Variants in ZCCHC7 observed in about 807,000 individuals in gnomAD.
ZCCHC7 encodes the protein zinc finger CCHC domain-containing protein 7.
ZCCHC7 carries 35 observed loss-of-function variants against 52.0 expected under a neutral mutation model. The observed-to-expected ratio is 0.67, with a 90% CI of 0.51 to 0.89. The LOEUF (loss-of-function observed/expected upper bound fraction) is 0.89, where lower values mean the gene tolerates loss of function less well. Ranked by LOEUF, ZCCHC7 falls within the 40% of genes least tolerant of loss-of-function variation. The probability of loss-of-function intolerance (pLI) is 0.00; values close to 1 mark genes in which losing one functional copy is unlikely to be tolerated. For synonymous variants in ZCCHC7, 217 were observed against 221.5 expected, an observed-to-expected ratio of 0.98 and a Z score of 0.18; for missense variants, 574 against 649.1, an observed-to-expected ratio of 0.88 and a Z score of 1.26.
chr9:37,208,833 A>G (rs1053935751), intron 2 of ZCCHC7, among the ~76,000 whole-genome samples: 3 of 152,136 alleles, frequency 2.0e-5, no homozygotes, highest in African/African-American at 7.2e-5. Context: ...AAATCAGACA[A>G]TGTCATTTCT....
At chr9:37,167,567 C>CT (rs1368097529) in intron 2 of ZCCHC7, among the ~76,000 whole-genome samples, 1 of 152,160 alleles carries the variant, frequency 6.6e-6, no homozygotes, top group Non-Finnish European at 1.5e-5. Context: ...ATGAGTCATA[C>CT]TTTCCTGCTT....
At chr9:37,303,938 C>T (rs1588639617) in intron 3 of ZCCHC7, among the ~76,000 whole-genome samples, 1 of 152,168 alleles carries the variant, frequency 6.6e-6, no homozygotes, top group Admixed American at 6.5e-5. Context: ...GCTGGGATTA[C>T]AGGCATGAGC....
chr9:37,336,918 A>G (rs1320019835), intron 6 of ZCCHC7, among the ~76,000 whole-genome samples: 1 of 152,210 alleles, frequency 6.6e-6, no homozygotes, highest in Non-Finnish European at 1.5e-5. Context: ...CCATTTGTCC[A>G]TCATTGTTTG....
intron 2 of ZCCHC7, among the ~76,000 whole-genome samples, chr9:37,221,631 T>G (rs114992101): frequency 1.8e-4 from 28 of 152,194 alleles, no homozygotes; most frequent in African/African-American, 6.0e-4. Flanking sequence ...AATAATATGG[T>G]TTCTCTGAAT....
chr9:37,174,165 T>C (rs1340614502), intron 2 of ZCCHC7, among the ~76,000 whole-genome samples: 1 of 151,830 alleles, frequency 6.6e-6, no homozygotes, highest in African/African-American at 2.4e-5. Flanking sequence ...TACAAAAAAT[T>C]AGCCAGGCAT....
intron 7 of ZCCHC7, among the ~76,000 whole-genome samples, chr9:37,353,492 C>T (rs1178239306): frequency 6.6e-6 from 1 of 152,062 alleles, no homozygotes; most frequent in South Asian, 2.1e-4. Context: ...TGAGAATGGC[C>T]GACTTCAACT....
chr9:37,234,161 G>A (rs956468313), intron 2 of ZCCHC7, among the ~76,000 whole-genome samples: 4 of 152,104 alleles, frequency 2.6e-5, no homozygotes, highest in African/African-American at 9.7e-5. Context: ...CAGCCACCAC[G>A]CCCGGCCAGG....
chr9:37,292,550 G>A (rs544289991), intron 2 of ZCCHC7, among the ~76,000 whole-genome samples: 20 of 152,032 alleles, frequency 1.3e-4, no homozygotes, highest in African/African-American at 3.9e-4. Context: ...TTCAGATAGG[G>A]TGTTATAAGA....
rs767867946 is a variant in ZCCHC7, at chr9:37,316,016, C to CA, written c.951+10315dup. On this transcript the variant is annotated intron_variant, in intron 5 of 8. Transcript: ENST00000336755. ...AATTGAGCCACGTCTTCCTCAGTCT[C>CA]AAAAAAAAAAAAAGGGTTCCTTTTT... Among the ~76,000 whole-genome samples, 233 of 131,842 alleles carry CA rather than the reference C, an allele frequency of 1.8e-3. 1 individual carries two copies. Among genetic ancestry groups the CA allele is most frequent in the South Asian group, 6.3e-3 (25 of 3,978 alleles). 86.5% of individuals were successfully genotyped at this position (131,842 alleles called of 152,430 possible).
chr9:37,326,723 T>C (rs1830258116), intron 5 of ZCCHC7, among the ~76,000 whole-genome samples: 1 of 152,040 alleles, frequency 6.6e-6, no homozygotes, highest in Non-Finnish European at 1.5e-5. Flanking sequence ...TTTGTTAGTC[T>C]TATCAATACT....
At chr9:37,223,465 A>C (rs1049472074) in intron 2 of ZCCHC7, among the ~76,000 whole-genome samples, 3 of 152,128 alleles carry the variant, frequency 2.0e-5, no homozygotes, top group African/African-American at 7.2e-5. Flanking sequence ...AAAGAAATAT[A>C]TGAAAGGTTA....
At chr9:37,217,522 A>G (rs932179991) in intron 2 of ZCCHC7, among the ~76,000 whole-genome samples, 2 of 152,164 alleles carry the variant, frequency 1.3e-5, no homozygotes, top group African/African-American at 4.8e-5. Flanking sequence ...TTCGCCTCAA[A>G]TTTGATTAAA....
chr9:37,304,442 A>G (rs563008983), intron 4 of ZCCHC7, 129 bp downstream of exon 4: 30 of 1,072,920 alleles, frequency 2.8e-5, no homozygotes, highest in Non-Finnish European at 3.9e-5. Flanking sequence ...TCATGAGGTC[A>G]GGAGATTGAG....
chr9:37,275,049 G>A (rs971312965), intron 2 of ZCCHC7, among the ~76,000 whole-genome samples: 5 of 152,020 alleles, frequency 3.3e-5, no homozygotes, highest in Non-Finnish European at 5.9e-5. Flanking sequence ...ATATCTGCCT[G>A]GCAAGTCTTT....
At chr9:37,274,041 T>G (rs1053214589) in intron 2 of ZCCHC7, among the ~76,000 whole-genome samples, 1 of 152,216 alleles carries the variant, frequency 6.6e-6, no homozygotes, top group Non-Finnish European at 1.5e-5. Flanking sequence ...TAACCCATTT[T>G]CTGTTTAGAA....
chr9:37,130,333 CCTT>C (rs1456150311), intron 2 of ZCCHC7, among the ~76,000 whole-genome samples: 7 of 112,912 alleles, frequency 6.2e-5, no homozygotes, highest in African/African-American at 2.3e-4. Context: ...GGAATTCTCT[CCTT>C]TTTTTTTTTT....
chr9:37,285,979 T>C (rs1056331275), intron 2 of ZCCHC7, among the ~76,000 whole-genome samples: 1 of 152,228 alleles, frequency 6.6e-6, no homozygotes, highest in African/African-American at 2.4e-5. Context: ...AGAAGACTAG[T>C]ATAACTTCAG....
At chr9:37,204,167 T>C (rs996945890) in intron 2 of ZCCHC7, among the ~76,000 whole-genome samples, 2 of 152,226 alleles carry the variant, frequency 1.3e-5, no homozygotes, top group Admixed American at 1.3e-4. Context: ...GTTTTTTTCT[T>C]GTAAATTTGT....
intron 2 of ZCCHC7, among the ~76,000 whole-genome samples, chr9:37,226,824 A>G (rs1298189103): frequency 6.6e-6 from 1 of 152,096 alleles, no homozygotes; most frequent in Non-Finnish European, 1.5e-5. Flanking sequence ...AGCTCAGGAG[A>G]TCGAGACCAT....
Sources: allele counts gnomAD v4.1 joint callset (sites outside exome capture counted in the v4.1 genomes callset), GRCh38; gene constraint gnomAD v4.1.1; transcripts MANE v1.5; gene names NCBI Gene and HGNC (gene_info 2026-07-23, HGNC 2026-07-21).